Variants in CCNG2 observed in about 807,000 individuals in gnomAD.
The protein encoded by CCNG2 is cyclin G2.
Under a neutral mutation model 36.5 loss-of-function variants are expected in CCNG2, and 20 were observed. The ratio of observed to expected loss-of-function variants is 0.55; its 90% CI spans 0.39 to 0.80. The LOEUF (loss-of-function observed/expected upper bound fraction) is 0.80, where lower values mean the gene tolerates loss of function less well. Ranked by LOEUF, CCNG2 falls within the 30% of genes least tolerant of loss-of-function variation. CCNG2 has a pLI of 0.00. For missense variants in CCNG2, 358 were observed against 390.8 expected (o/e 0.92, Z 0.71); for synonymous variants, 155 against 140.1 (o/e 1.11, Z -0.75).
intron 6 of CCNG2, among the ~76,000 whole-genome samples, chr4:77,163,168 TA>T (rs1464945826): frequency 2.0e-5 from 3 of 152,086 alleles, no homozygotes; most frequent in Non-Finnish European, 2.9e-5. Flanking sequence ...GTTGAAACGG[TA>T]AGAAGCTGTG....
chr4:77,159,268 T>C, intron 2 of CCNG2, 99 bp from the exon 3 acceptor site: 1 of 1,148,108 alleles, frequency 8.7e-7, no homozygotes, highest in Non-Finnish European at 1.2e-6. Flanking sequence ...AAATTAACCT[T>C]ATTCTTGGGA....
intron 6 of CCNG2, 100 bp downstream of exon 6, chr4:77,161,847 C>T (rs187867524): frequency 1.4e-6 from 1 of 694,646 alleles, no homozygotes; most frequent in African/African-American, 1.8e-5. Context: ...GGACTCTTAA[C>T]TTTTACACTT....
rs557271897 is a variant in CCNG2, at chr4:77,165,689, T to G, written c.912-112T>G. ...AAATTTTGTCTCTGTAAAGCATAAATTTTGAATATAAAAATCCTCACTAGA... is the reference window on the plus strand; with the variant it reads ...AAATTTTGTCTCTGTAAAGCATAAAGTTTGAATATAAAAATCCTCACTAGA... On this transcript the variant is annotated intron_variant, in intron 7 of 7. Coordinates refer to ENST00000316355, the MANE Select transcript of CCNG2 (RefSeq NM_004354.3). The G allele has an allele frequency of 6.9e-6, 6 of 870,246 alleles. No homozygotes were observed. In the East Asian group the frequency reaches 1.4e-4, roughly 21 times the overall value. The allele number at this position is 870,246 out of a possible 1,614,324, so 53.9% of individuals were successfully genotyped here. A position where few individuals can be genotyped will look rare whatever the true frequency, so the allele number is the denominator to read the frequency against.
chr4:77,159,760 A>C (rs1015585435), intron 3 of CCNG2, among the ~76,000 whole-genome samples: 1 of 152,210 alleles, frequency 6.6e-6, no homozygotes, highest in Non-Finnish European at 1.5e-5. Flanking sequence ...AGAGACTACT[A>C]TTTTTTAGGT....
intron 7 of CCNG2, chr4:77,164,750 G>A: frequency 3.8e-6 from 1 of 264,852 alleles, no homozygotes; most frequent in South Asian, 5.9e-5. Flanking sequence ...GCCCAGGGCT[G>A]GTCTTACATA....
rs1449060868 is a variant in CCNG2 at position 77,166,725 on chromosome 4, G to T, written c.*801G>T. Reference sequence around the variant, plus strand: ...TATGGAATTGATAAATGTTGATCTGGTGTAGTATATTTTATCGCATTTTCT... The same window carrying T: ...TATGGAATTGATAAATGTTGATCTGTTGTAGTATATTTTATCGCATTTTCT... On this transcript the variant is annotated 3_prime_UTR_variant, in exon 8 of 8. Transcript: ENST00000316355. 6.6e-6 allele frequency: 1 copy of T among 152,146 alleles called. No homozygotes were observed. Among genetic ancestry groups the T allele is most frequent in the African/African-American group, 2.4e-5 (1 of 41,432 alleles). The allele number at this position is 152,146 out of a possible 1,614,324, so 9.4% of individuals were successfully genotyped here.
At position 77,170,033 on chromosome 4, in the gene CCNG2, C is replaced by T. The variant is rs1731726230; in HGVS notation, c.*4109C>T. 1 of 152,024 alleles carries T rather than the reference C, an allele frequency of 6.6e-6. No homozygotes were observed. The highest frequency in any genetic ancestry group is 2.4e-5 in the African/African-American group (1 of 41,368). The allele number at this position is 152,024 out of a possible 1,614,324, so 9.4% of individuals were successfully genotyped here. ...TTGATTTGAATTATTAGTGTATTAA[C>T]AGAATAAAGAATGAACTTTAAAACA... On this transcript the variant is annotated 3_prime_UTR_variant, in exon 8 of 8. Coordinates refer to ENST00000316355, the MANE Select transcript of CCNG2 (RefSeq NM_004354.3).
rs1436996621 is a variant in CCNG2, at chr4:77,165,966, A to G, written c.*42A>G. The G allele has an allele frequency of 6.4e-7, 1 of 1,562,958 alleles. No homozygotes were observed. The highest frequency in any genetic ancestry group is 8.6e-7 in the Non-Finnish European group (1 of 1,157,120). ...TCAGAATTTATATTTACAGGTTTCA[A>G]AGCAATAAATGGGGGAATAGGTAGT... is the stretch of plus-strand genomic sequence containing the variant. On this transcript the variant is annotated 3_prime_UTR_variant, in exon 8 of 8. Transcript: ENST00000316355.
chr4:77,159,230 A>G, intron 2 of CCNG2, 137 bp from the exon 3 acceptor site: 1 of 687,186 alleles, frequency 1.5e-6, no homozygotes, highest in Non-Finnish European at 2.4e-6. Context: ...CACTCTTTCC[A>G]CCTATATTCT....
rs112460284 is a variant in CCNG2, at chr4:77,157,286, C to T, written c.-221C>T. 0.025 allele frequency: 3,818 copies of T among 152,382 alleles called. 142 individuals are homozygous for T. Among genetic ancestry groups the T allele is most frequent in the African/African-American group, 0.079 (3,273 of 41,464 alleles). The allele number at this position is 152,382 out of a possible 1,614,324, so 9.4% of individuals were successfully genotyped here. ...CGGCGGTGGGCTGGTCTTCCGCGGC[C>T]GGCGTTGCGCCGCGGCGGAGGGTGG... On this transcript the variant is annotated 5_prime_UTR_variant, in exon 1 of 8. Transcript: ENST00000316355.
intron 1 of CCNG2, 153 bp from the exon 2 acceptor site, chr4:77,158,380 G>C (rs537871775): frequency 1.4e-4 from 98 of 689,278 alleles, no homozygotes; most frequent in Non-Finnish European, 1.9e-4. Context: ...GATTGCCCTG[G>C]GGCTCTGGCG....
At chr4:77,162,200 A>G (rs964539669) in intron 6 of CCNG2, among the ~76,000 whole-genome samples, 6 of 152,176 alleles carry the variant, frequency 3.9e-5, no homozygotes, top group East Asian at 1.9e-4. Context: ...CCTTTAGGCC[A>G]GCTAAGTAAA....
chr4:77,163,637 G>A lies in CCNG2; in HGVS notation c.706-637G>A, dbSNP rs537444603. Among the ~76,000 whole-genome samples the A allele has an allele frequency of 8.7e-4, 132 of 152,206 alleles. 1 individual carries two copies. Among genetic ancestry groups the A allele is most frequent in the African/African-American group, 2.7e-3 (111 of 41,522 alleles). Reference sequence around the variant, plus strand: ...AACCATCTTCAGTGAAAATTGATTCGTTGAAATAAACTGAAGGCATTCCGA... The same window carrying A: ...AACCATCTTCAGTGAAAATTGATTCATTGAAATAAACTGAAGGCATTCCGA... On this transcript the variant is annotated intron_variant, in intron 6 of 7. Transcript: ENST00000316355.
chr4:77,163,341 A>G (rs1240356273), intron 6 of CCNG2, among the ~76,000 whole-genome samples: 1 of 152,152 alleles, frequency 6.6e-6, no homozygotes, highest in Non-Finnish European at 1.5e-5. Context: ...TTGAATTTTT[A>G]TAAGAGATCC....
intron 3 of CCNG2, among the ~76,000 whole-genome samples, chr4:77,160,515 C>G (rs1298397198): frequency 7.1e-6 from 1 of 140,530 alleles, no homozygotes; most frequent in South Asian, 2.2e-4. Flanking sequence ...CCACTGTTCC[C>G]TGCTGCCTTT....
rs1472471400 is a variant in CCNG2 at position 77,168,632 on chromosome 4, T to C, written c.*2708T>C. The C allele has an allele frequency of 6.6e-6, 1 of 152,180 alleles. No individual in the cohort carries two copies. The highest frequency in any genetic ancestry group is 1.5e-5 in the Non-Finnish European group (1 of 68,038). 9.4% of individuals were successfully genotyped at this position (152,180 alleles called of 1,614,324 possible). ...AACTGGGCAATATAGAGTAGCAGCA[T>C]GGAGACCAGTCTGACTGAACTAAGG... On this transcript the variant is annotated 3_prime_UTR_variant, in exon 8 of 8. Coordinates refer to ENST00000316355, the MANE Select transcript of CCNG2 (RefSeq NM_004354.3).
At chr4:77,161,099 CTTTTTTT>C in intron 4 of CCNG2, 128 bp downstream of exon 4, 12 of 304,540 alleles carry the variant, frequency 3.9e-5, no homozygotes, top group Non-Finnish European at 5.6e-5. Context: ...ATTGGTAAAT[CTTTTTTT>C]TTTTTTTTTT....
chr4:77,157,740 C>G (rs1316831363), intron 1 of CCNG2, among the ~76,000 whole-genome samples: 1 of 152,056 alleles, frequency 6.6e-6, no homozygotes, highest in East Asian at 1.9e-4. Flanking sequence ...GTCTCCGCCT[C>G]GGTGCCCCCC....
In CCNG2 at chr4:77,166,548, A is replaced by G. The variant is rs529042077; in HGVS notation, c.*624A>G. 3.0e-4 allele frequency: 45 copies of G among 152,342 alleles called. No individual in the cohort carries two copies. The highest frequency in any genetic ancestry group is 1.0e-3 in the African/African-American group (43 of 41,574). 9.4% of individuals were successfully genotyped at this position (152,342 alleles called of 1,614,324 possible). A position where few individuals can be genotyped will look rare whatever the true frequency, so the allele number is the denominator to read the frequency against. On this transcript the variant is annotated 3_prime_UTR_variant, in exon 8 of 8. Coordinates refer to ENST00000316355, the MANE Select transcript of CCNG2 (RefSeq NM_004354.3). ...TTAATTGAGATTTCTGTTAAGGCAG[A>G]AATAATTAGGCTAGGGCTCTTAGTT...
Sources: allele counts gnomAD v4.1 joint callset (sites outside exome capture counted in the v4.1 genomes callset), GRCh38; gene constraint gnomAD v4.1.1; transcripts MANE v1.5; gene names NCBI Gene and HGNC (gene_info 2026-07-23, HGNC 2026-07-21).